DLC1: variants seen among roughly 807,000 people sequenced by gnomAD.
DLC1 encodes rho GTPase-activating protein 7.
A neutral mutation model predicts 140.3 loss-of-function variants in DLC1; 54 were observed. The ratio of observed to expected loss-of-function variants is 0.38; its 90% CI spans 0.31 to 0.48. The LOEUF (loss-of-function observed/expected upper bound fraction) is 0.48, where lower values mean the gene tolerates loss of function less well. DLC1 is among the 20% of genes least tolerant of loss of function. The pLI is 0.96. For synonymous variants in DLC1, 986 were observed against 728.1 expected (o/e 1.35, Z -5.70); for missense variants, 2,536 against 1,907.0 (o/e 1.33, Z -6.14).
intron 5 of DLC1, among the ~76,000 whole-genome samples, chr8:13,137,564 T>G (rs1822662536): frequency 6.6e-6 from 1 of 151,700 alleles, no homozygotes; most frequent in Admixed American, 6.6e-5. Context: ...GTCATGCTCT[T>G]TTGCTCTTTC....
At chr8:13,409,715 C>G (rs1293209124) in intron 2 of DLC1, among the ~76,000 whole-genome samples, 1 of 152,134 alleles carries the variant, frequency 6.6e-6, no homozygotes, top group Non-Finnish European at 1.5e-5. Context: ...AGGGGTCTCT[C>G]AAAGGCTTGT....
chr8:13,531,259 C>A (rs906955738), intron 1 of DLC1, among the ~76,000 whole-genome samples: 1 of 152,160 alleles, frequency 6.6e-6, no homozygotes, highest in African/African-American at 2.4e-5. Flanking sequence ...CAGGCTACTA[C>A]AGCATTTTAC....
chr8:13,500,401 A>G (rs538444722), intron 1 of DLC1, among the ~76,000 whole-genome samples: 2 of 152,356 alleles, frequency 1.3e-5, no homozygotes, highest in South Asian at 4.1e-4. Flanking sequence ...AAAAATCATC[A>G]GCAATACTTT....
intron 2 of DLC1, among the ~76,000 whole-genome samples, chr8:13,477,698 C>T (rs978952734): frequency 6.6e-6 from 1 of 152,100 alleles, no homozygotes; most frequent in African/African-American, 2.4e-5. Context: ...ATCACTTCTA[C>T]ATGCTGAGAT....
chr8:13,432,579 G>A (rs1295155774), intron 2 of DLC1, among the ~76,000 whole-genome samples: 1 of 152,126 alleles, frequency 6.6e-6, no homozygotes, highest in Non-Finnish European at 1.5e-5. Context: ...CAATTTTAAG[G>A]TTGATTTTTG....
At chr8:13,591,427 T>C (rs1167613697) in intron 1 of DLC1, among the ~76,000 whole-genome samples, 2 of 152,102 alleles carry the variant, frequency 1.3e-5, no homozygotes, top group Admixed American at 6.6e-5. Flanking sequence ...TTTCCCCTGC[T>C]GGCACGCCTT....
At chr8:13,484,358 T>C (rs1228689508) in intron 2 of DLC1, among the ~76,000 whole-genome samples, 1 of 152,212 alleles carries the variant, frequency 6.6e-6, no homozygotes, top group Non-Finnish European at 1.5e-5. Flanking sequence ...GTTTTTTAGC[T>C]TAACTCTCTC....
chr8:13,417,870 CTGT>C (rs1838144623), intron 2 of DLC1, among the ~76,000 whole-genome samples: 1 of 152,110 alleles, frequency 6.6e-6, no homozygotes, highest in Non-Finnish European at 1.5e-5. Flanking sequence ...TCTCCAGCAC[CTGT>C]TGTTTCCTGA....
chr8:13,120,114 A>G (rs909699578), intron 5 of DLC1, among the ~76,000 whole-genome samples: 1 of 151,390 alleles, frequency 6.6e-6, no homozygotes, highest in African/African-American at 2.4e-5. Context: ...AGGCCAAGGA[A>G]GGCAGATCAT....
At chr8:13,180,216 C>G (rs911373114) in intron 5 of DLC1, among the ~76,000 whole-genome samples, 1 of 152,186 alleles carries the variant, frequency 6.6e-6, no homozygotes, top group Non-Finnish European at 1.5e-5. Context: ...CCTGGCCCTT[C>G]CATTGTGTTT....
intron 4 of DLC1, among the ~76,000 whole-genome samples, chr8:13,388,512 G>A (rs1203661042): frequency 2.0e-5 from 3 of 151,922 alleles, no homozygotes; most frequent in African/African-American, 7.2e-5. Context: ...AATTTATACT[G>A]AAAGATTGTA....
rs147783670 is a variant in DLC1, at chr8:13,482,612, C to T, written c.1023+16437G>A. Among the ~76,000 whole-genome samples the T allele has an allele frequency of 1.7e-3, 254 of 152,214 alleles. 1 individual carries two copies. The highest frequency in any genetic ancestry group is 5.7e-3 in the African/African-American group (237 of 41,530). On this transcript the variant is annotated intron_variant, in intron 2 of 17. Coordinates refer to ENST00000276297, the MANE Select transcript of DLC1 (RefSeq NM_182643.3). ...AGATGTCCCCATGTAATTAACTATACGTCATAGTTACCTTTTATTAGCATT... is the reference window on the plus strand; with the variant it reads ...AGATGTCCCCATGTAATTAACTATATGTCATAGTTACCTTTTATTAGCATT...
intron 4 of DLC1, among the ~76,000 whole-genome samples, chr8:13,356,995 C>T (rs894111371): frequency 2.0e-5 from 3 of 151,160 alleles, no homozygotes; most frequent in Non-Finnish European, 2.9e-5. Context: ...CCCTGCTGGC[C>T]AGGTGATTCA....
chr8:13,356,799 C>G (rs1200919182), intron 4 of DLC1, among the ~76,000 whole-genome samples: 9 of 152,032 alleles, frequency 5.9e-5, no homozygotes, highest in African/African-American at 2.2e-4. Context: ...ACTTCCTGAT[C>G]AATGCTGTTT....
chr8:13,263,812 A>G (rs1455623623), intron 5 of DLC1, among the ~76,000 whole-genome samples: 1 of 151,604 alleles, frequency 6.6e-6, no homozygotes, highest in Non-Finnish European at 1.5e-5. Flanking sequence ...TGTGTAATAT[A>G]TGTTGAACTT....
Position 13,129,790 on chromosome 8 carries a change from T to C in DLC1, c.1349-14133A>G, listed in dbSNP as rs540098749. ...AAAGCACTGAGAATTCGGTCTTTAA[T>C]GATTTGGCAATAGCCAGGGAGGAAG... On this transcript the variant is annotated intron_variant, in intron 5 of 17. Transcript: ENST00000276297. Among the ~76,000 whole-genome samples the C allele has an allele frequency of 2.0e-5, 3 of 152,368 alleles. No homozygotes were observed. The East Asian group carries it at 5.8e-4, about 29-fold the overall frequency.
intron 1 of DLC1, among the ~76,000 whole-genome samples, chr8:13,570,797 C>G (rs1206984785): frequency 6.6e-6 from 1 of 152,120 alleles, no homozygotes; most frequent in African/African-American, 2.4e-5. Context: ...ATTGTCCTGT[C>G]TTTATGACTC....
At chr8:13,516,255 T>C (rs1802582234), upstream of DLC1, among the ~76,000 whole-genome samples, 1 of 152,214 alleles carries the variant, frequency 6.6e-6, no homozygotes, top group Non-Finnish European at 1.5e-5. Flanking sequence ...AGTGCAAGAA[T>C]AATTCCAGTT....
Position 13,092,791 on chromosome 8 carries a change from C to T in DLC1, c.3561G>A (p.Lys1187=), listed in dbSNP as rs757217612. The change falls in exon 13 of 18, where the codon AAG becomes AAA. Residue 1187 remains lysine (K), a synonymous_variant. Transcript: ENST00000276297. ...VPKDQRLQAI[K]AAIMLLPDEN... ...CGTCAGGCAGCAGCATGATGGCAGC[C>T]TTGATGGCCTGCAGGCGCTGGTCCT... 6.2e-7 allele frequency: 1 copy of T among 1,614,050 alleles called. No individual in the cohort carries two copies. Among genetic ancestry groups the T allele is most frequent in the Non-Finnish European group, 8.5e-7 (1 of 1,179,960 alleles).
Sources: allele counts gnomAD v4.1 joint callset (sites outside exome capture counted in the v4.1 genomes callset), GRCh38; gene constraint gnomAD v4.1.1; transcripts MANE v1.5; gene names NCBI Gene and HGNC (gene_info 2026-07-23, HGNC 2026-07-21).